Variants in ANTXR1 observed in about 807,000 individuals in gnomAD.
ANTXR1 encodes anthrax toxin receptor 1.
In ANTXR1, 19 loss-of-function variants were observed where a neutral mutation model predicts 78.1. The ratio of observed to expected loss-of-function variants is 0.24; its 90% CI spans 0.17 to 0.36. ANTXR1 has a LOEUF of 0.36. ANTXR1 is among the 10% of genes least tolerant of loss of function. The pLI is 1.00. For synonymous variants in ANTXR1, 273 were observed against 260.5 expected (o/e 1.05, Z -0.46); for missense variants, 518 against 718.6 (o/e 0.72, Z 3.19).
intron 6 of ANTXR1, among the ~76,000 whole-genome samples, chr2:69,074,380 T>C (rs1164958531): frequency 6.6e-6 from 1 of 152,006 alleles, no homozygotes; most frequent in African/African-American, 2.4e-5. Flanking sequence ...AGGAAAGAAT[T>C]GAAACTAAAA....
chr2:69,146,859 C>T (rs112399590), intron 12 of ANTXR1, among the ~76,000 whole-genome samples: 6,977 of 152,372 alleles, frequency 0.046, 199 homozygotes, highest in Non-Finnish European at 0.072. Flanking sequence ...TATGGTCTCA[C>T]CTGTCCTGGC....
chr2:69,224,147 C>G (rs923382288), intron 17 of ANTXR1, among the ~76,000 whole-genome samples: 1 of 152,214 alleles, frequency 6.6e-6, no homozygotes, highest in Non-Finnish European at 1.5e-5. Context: ...ATAAGCCAGC[C>G]AAAAACACAA....
intron 13 of ANTXR1, among the ~76,000 whole-genome samples, chr2:69,168,167 G>C (rs1296904646): frequency 6.6e-6 from 1 of 152,206 alleles, no homozygotes; most frequent in African/African-American, 2.4e-5. Flanking sequence ...CCATGCAAAG[G>C]CATTTAGTAT....
intron 17 of ANTXR1, among the ~76,000 whole-genome samples, chr2:69,197,190 G>C (rs1674685487): frequency 6.6e-6 from 1 of 152,176 alleles, no homozygotes; most frequent in African/African-American, 2.4e-5. Flanking sequence ...AAGTGCCAAA[G>C]GAAACCACCT....
Position 69,013,628 on chromosome 2 carries a change from T to C in ANTXR1, c.129T>C (p.Phe43=). The C allele has an allele frequency of 6.4e-7, 1 of 1,554,306 alleles. No individual in the cohort carries two copies. The change falls in exon 1 of 18, where the codon TTT becomes TTC. Residue 43 remains phenylalanine, a synonymous_variant. Coordinates refer to ENST00000303714, the MANE Select transcript of ANTXR1 (RefSeq NM_032208.3). This position sits in a 1 kb window ranked among gnomAD's most constrained non-coding sequence, Gnocchi z 5.0. The stretch of plus-strand genomic sequence containing the variant: ...GGGGTCCAGCCTGCTACGGCGGATT[T>C]GACCTGTACTTCATTTTGGACAAGT... The part of the protein sequence containing the change: ...EDGGPACYGG[F]DLYFILDKSG...
chr2:69,017,612 C>T (rs914418954), intron 1 of ANTXR1, among the ~76,000 whole-genome samples: 55 of 152,292 alleles, frequency 3.6e-4, no homozygotes, highest in African/African-American at 1.3e-3. Context: ...ACCACAGTAA[C>T]ACAATAGGGC....
At chr2:69,158,350 T>A (rs1394711035) in intron 13 of ANTXR1, among the ~76,000 whole-genome samples, 3 of 152,230 alleles carry the variant, frequency 2.0e-5, no homozygotes, top group Non-Finnish European at 4.4e-5. Context: ...ATACAATTCT[T>A]CCTTCAAAGT....
chr2:69,201,667 A>C (rs1674775134), intron 17 of ANTXR1, among the ~76,000 whole-genome samples: 1 of 152,164 alleles, frequency 6.6e-6, no homozygotes, highest in Non-Finnish European at 1.5e-5. Flanking sequence ...ATAATCACAG[A>C]TTTGGTAACT....
intron 3 of ANTXR1, among the ~76,000 whole-genome samples, chr2:69,065,242 G>A (rs1266189686): frequency 6.6e-6 from 1 of 151,958 alleles, no homozygotes; most frequent in African/African-American, 2.4e-5. Context: ...TGGCTAACAT[G>A]GTGAAAGCCC....
At chr2:69,046,262 G>A (rs1198760898) in intron 3 of ANTXR1, among the ~76,000 whole-genome samples, 1 of 152,184 alleles carries the variant, frequency 6.6e-6, no homozygotes, top group Admixed American at 6.6e-5. Flanking sequence ...CACATCACTT[G>A]CAGGTGCTTT....
At chr2:69,201,939 G>T (rs1441450856) in intron 17 of ANTXR1, among the ~76,000 whole-genome samples, 5 of 152,162 alleles carry the variant, frequency 3.3e-5, no homozygotes, top group Admixed American at 3.3e-4. Context: ...TCACTGTCAG[G>T]GTTGTGTGAA....
intron 1 of ANTXR1, among the ~76,000 whole-genome samples, chr2:69,022,456 G>A (rs552584207): frequency 3.3e-5 from 5 of 152,202 alleles, no homozygotes; most frequent in Admixed American, 3.3e-4. Flanking sequence ...ACTAAAAGAA[G>A]GCAGGGCAGA....
intron 10 of ANTXR1, among the ~76,000 whole-genome samples, chr2:69,110,193 G>T (rs531291017): frequency 6.6e-6 from 1 of 152,266 alleles, no homozygotes; most frequent in Non-Finnish European, 1.5e-5. Context: ...CATCATCAGT[G>T]AGAGACCATT....
intron 17 of ANTXR1, among the ~76,000 whole-genome samples, chr2:69,211,914 G>C (rs956191935): frequency 6.6e-6 from 1 of 152,012 alleles, no homozygotes; most frequent in African/African-American, 2.4e-5. Context: ...CACCACCCCC[G>C]GCCCAAATTA....
chr2:69,209,530 C>T (rs528631953), intron 17 of ANTXR1, among the ~76,000 whole-genome samples: 59 of 152,354 alleles, frequency 3.9e-4, no homozygotes, highest in African/African-American at 1.4e-3. Context: ...CTAGGATTCA[C>T]AGCACCCAAG....
rs75832912 is a variant in ANTXR1, at chr2:69,099,175, G to C, written c.704-3667G>C. Among the ~76,000 whole-genome samples the C allele has an allele frequency of 2.0e-5, 3 of 152,250 alleles. No individual in the cohort carries two copies. In the South Asian group the frequency reaches 6.2e-4, roughly 32 times the overall value. On this transcript the variant is annotated intron_variant, in intron 9 of 17. Transcript: ENST00000303714. ...CTACTTTCTGTCTCTGTAGATCTGC[G>C]AATCTGGACATACCTTATAAAGGGA...
intron 13 of ANTXR1, among the ~76,000 whole-genome samples, chr2:69,152,670 T>G (rs1673430993): frequency 6.6e-6 from 1 of 152,244 alleles, no homozygotes; most frequent in Non-Finnish European, 1.5e-5. Flanking sequence ...AAGGCCACCC[T>G]GGTCTTAGTA....
At chr2:69,239,433 G>C (rs986390447) in intron 17 of ANTXR1, among the ~76,000 whole-genome samples, 7 of 152,142 alleles carry the variant, frequency 4.6e-5, no homozygotes, top group African/African-American at 1.7e-4. Context: ...TTAGCCAGGT[G>C]TGGTGGCACA....
chr2:69,188,706 C>T (rs1316230814), intron 16 of ANTXR1, among the ~76,000 whole-genome samples: 1 of 152,176 alleles, frequency 6.6e-6, no homozygotes, highest in Non-Finnish European at 1.5e-5. Context: ...GGGCATTTTG[C>T]CAGGGAGTGA....
Sources: gnomAD v4.1 joint callset for allele counts (sites outside exome capture counted in the v4.1 genomes callset) on GRCh38, gnomAD v4.1.1 for gene constraint, Gnocchi (gnomAD v3.1) non-coding constraint, MANE v1.5 for transcripts, NCBI Gene and HGNC (gene_info 2026-07-23, HGNC 2026-07-21) for gene names.